LRRN1: variants seen among roughly 807,000 people sequenced by gnomAD.
The protein encoded by LRRN1 is leucine rich repeat neuronal 1, also known as leucine-rich repeat neuronal protein 1.
A neutral mutation model predicts 45.8 loss-of-function variants in LRRN1; 14 were observed. The observed-to-expected ratio is 0.31, with a 90% CI of 0.20 to 0.48. The LOEUF is 0.48. Ranked by LOEUF, LRRN1 falls within the 20% of genes least tolerant of loss-of-function variation. The pLI is 0.99. For synonymous variants in LRRN1, 359 were observed against 330.1 expected (o/e 1.09, Z -0.95); for missense variants, 789 against 874.2 (o/e 0.90, Z 1.23).
At chr3:3,841,730 G>A (rs1693657835) in intron 1 of LRRN1, among the ~76,000 whole-genome samples, 1 of 152,118 alleles carries the variant, frequency 6.6e-6, no homozygotes. Context: ...TGTTGGTCAT[G>A]TTGGTCTCGA....
At position 3,804,906 on chromosome 3, in the gene LRRN1, C is replaced by T. The variant is rs562835208; in HGVS notation, c.-279+4987C>T. On this transcript the variant is annotated intron_variant, in intron 1 of 1. Coordinates refer to ENST00000319331, the MANE Select transcript of LRRN1 (RefSeq NM_020873.7). ...CATAAATTAGTCTGCCATTGTATTC[C>T]GGAGCCACCATTTCAATCCAGGGAA... Among the ~76,000 whole-genome samples the T allele has an allele frequency of 9.2e-5, 14 of 152,224 alleles. No homozygotes were observed. The South Asian group carries it at 2.1e-3, about 23-fold the overall frequency.
At position 3,848,336 on chromosome 3, in the gene LRRN1, T is replaced by G. The variant is rs1057436677; in HGVS notation, c.*1544T>G. ...TAGAGCAGATGGAACTAGGTTTAGG[T>G]AGAAGGCCAGTTCCACAAAGGGCAG... On this transcript the variant is annotated 3_prime_UTR_variant, in exon 2 of 2. Coordinates refer to ENST00000319331, the MANE Select transcript of LRRN1 (RefSeq NM_020873.7). Among the ~76,000 whole-genome samples, 1 of 152,076 alleles carries G rather than the reference T, an allele frequency of 6.6e-6. No individual in the cohort carries two copies. Among genetic ancestry groups the G allele is most frequent in the African/African-American group, 2.4e-5 (1 of 41,380 alleles).
At chr3:3,841,781 G>A (rs1693658749) in intron 1 of LRRN1, among the ~76,000 whole-genome samples, 1 of 152,138 alleles carries the variant, frequency 6.6e-6, no homozygotes, top group East Asian at 1.9e-4. Context: ...GCCTCCCACA[G>A]TGCTGGGATT....
At position 3,840,417 on chromosome 3, in the gene LRRN1, A is replaced by G. The variant is rs532814558; in HGVS notation, c.-278-3947A>G. ...GGTCTGTAGTTTTCTTGTTGTGATA[A>G]TGGATTTACATTTAAACACTATTGG... On this transcript the variant is annotated intron_variant, in intron 1 of 1. Coordinates refer to ENST00000319331, the MANE Select transcript of LRRN1 (RefSeq NM_020873.7). Among the ~76,000 whole-genome samples, 7 of 152,272 alleles carry G rather than the reference A, an allele frequency of 4.6e-5. No homozygotes were observed. The East Asian group carries it at 1.3e-3, about 29-fold the overall frequency.
At chr3:3,825,527 A>G (rs890147455) in intron 1 of LRRN1, among the ~76,000 whole-genome samples, 3 of 152,260 alleles carry the variant, frequency 2.0e-5, no homozygotes, top group Non-Finnish European at 2.9e-5. Flanking sequence ...GAAAAGGAAA[A>G]GAAAATTAGG....
chr3:3,845,963 C>G lies in LRRN1; in HGVS notation c.1322C>G (p.Thr441Arg), dbSNP rs145715330. The G allele has an allele frequency of 1.9e-6, 3 of 1,613,950 alleles. No individual in the cohort carries two copies. The highest frequency in any genetic ancestry group is 1.3e-5 in the African/African-American group (1 of 74,906). Residue 441 changes from threonine (T) to arginine (R), a missense_variant, in exon 2 of 2, where the codon ACG becomes AGG. Physicochemically the swap from Thr to Arg is moderately conservative, Grantham distance 71 (BLOSUM62 -1). Coordinates refer to ENST00000319331, the MANE Select transcript of LRRN1 (RefSeq NM_020873.7). The surrounding 1 kb of genome is among the most constrained non-coding windows in gnomAD (Gnocchi z 6.5). The stretch of plus-strand genomic sequence containing the variant: ...AATCGTTTAAACGTGGATATCGGCA[C>G]GACGGTTTTCCTAGACTGTCGAGCC... Reference protein sequence around the residue: ...FPNRLNVDIGTTVFLDCRAMA... With the variant: ...FPNRLNVDIGRTVFLDCRAMA...
intron 1 of LRRN1, among the ~76,000 whole-genome samples, chr3:3,834,525 G>GACATATATATATATGATATATATAT (rs750534210): frequency 3.7e-5 from 1 of 27,310 alleles, no homozygotes; most frequent in Admixed American, 6.7e-4. Context: ...GACAGAACAG[G>GACATATATATATATGATATATATAT]ATATATATAT....
intron 1 of LRRN1, among the ~76,000 whole-genome samples, chr3:3,829,911 G>A (rs941653398): frequency 6.6e-6 from 1 of 152,148 alleles, no homozygotes; most frequent in African/African-American, 2.4e-5. Context: ...ATATAATCAG[G>A]TAGCTGGCTG....
intron 1 of LRRN1, among the ~76,000 whole-genome samples, chr3:3,817,330 G>GT (rs1693009702): frequency 6.6e-6 from 1 of 152,130 alleles, no homozygotes; most frequent in Non-Finnish European, 1.5e-5. Context: ...TTGAAATCAA[G>GT]TTTATTTTAA....
intron 1 of LRRN1, among the ~76,000 whole-genome samples, chr3:3,805,094 T>C (rs144288766): frequency 6.6e-6 from 1 of 152,152 alleles, no homozygotes; most frequent in South Asian, 2.1e-4. Flanking sequence ...TGTGAGATAA[T>C]GTATTAGCAT....
rs377314657 is a variant in LRRN1, at chr3:3,845,038, G to A, written c.397G>A (p.Glu133Lys). ...GCATTTGGAGGAAAATCAGATTACC[G>A]AGATGACTGATTACTGTCTACAAGA... ...TLHLEENQIT[E>K]MTDYCLQDLS... Residue 133 changes from glutamate (E) to lysine (K), a missense_variant, in exon 2 of 2, where the codon GAG (glutamate) becomes AAG (lysine). Transcript: ENST00000319331. The surrounding 1 kb of genome is among the most constrained non-coding windows in gnomAD (Gnocchi z 6.5). 11 of 1,613,984 alleles carry A rather than the reference G, an allele frequency of 6.8e-6. No individual in the cohort carries two copies. Among genetic ancestry groups the A allele is most frequent in the African/African-American group, 4.0e-5 (3 of 74,916 alleles).
intron 1 of LRRN1, among the ~76,000 whole-genome samples, chr3:3,808,172 G>C (rs1476285500): frequency 6.6e-6 from 1 of 151,866 alleles, no homozygotes; most frequent in African/African-American, 2.4e-5. Context: ...GTGATCGAGA[G>C]GAAAATATTA....
chr3:3,825,593 A>T (rs944361922), intron 1 of LRRN1, among the ~76,000 whole-genome samples: 1 of 152,186 alleles, frequency 6.6e-6, no homozygotes, highest in African/African-American at 2.4e-5. Context: ...GAAATTTAAC[A>T]TGGTCAGATT....
At chr3:3,827,217 G>A (rs1693242004) in intron 1 of LRRN1, 1 of 225,018 alleles carries the variant, frequency 4.4e-6, no homozygotes, top group African/African-American at 2.3e-5. Flanking sequence ...AGGAAACTGA[G>A]ACTTAGAAAG....
At position 3,848,635 on chromosome 3, in the gene LRRN1, A is replaced by AT. The variant is rs1328787665; in HGVS notation, c.*1844dup. The stretch of plus-strand genomic sequence containing the variant: ...AACAGAATTTCAGATCTTGAAACAA[A>AT]TGAGCTGCAACAGAAAAATAAGTAC... On this transcript the variant is annotated 3_prime_UTR_variant, in exon 2 of 2. Coordinates refer to ENST00000319331, the MANE Select transcript of LRRN1 (RefSeq NM_020873.7). Among the ~76,000 whole-genome samples the AT allele has an allele frequency of 6.6e-6, 1 of 152,196 alleles. No homozygotes were observed. Among genetic ancestry groups the AT allele is most frequent in the African/African-American group, 2.4e-5 (1 of 41,450 alleles).
chr3:3,846,072 G>A lies in LRRN1; in HGVS notation c.1431G>A (p.Lys477=), dbSNP rs1461410498. 3.1e-6 allele frequency: 5 copies of A among 1,614,122 alleles called. No homozygotes were observed. Among genetic ancestry groups the A allele is most frequent in the Non-Finnish European group, 4.2e-6 (5 of 1,180,024 alleles). ...TGGAAACCCTTTCAGATAAATACAA[G>A]CTAAGTAGCGAAGGTACCTTGGAAA... ...ITVETLSDKY[K]LSSEGTLEIS... The change falls in exon 2 of 2, where the codon AAG becomes AAA. Residue 477 remains lysine (K), a synonymous_variant. Coordinates refer to ENST00000319331, the MANE Select transcript of LRRN1 (RefSeq NM_020873.7). The surrounding 1 kb of genome is among the most constrained non-coding windows in gnomAD (Gnocchi z 5.7).
At chr3:3,841,635 C>T (rs1693655967) in intron 1 of LRRN1, among the ~76,000 whole-genome samples, 1 of 152,052 alleles carries the variant, frequency 6.6e-6, no homozygotes, top group Admixed American at 6.6e-5. Flanking sequence ...TCTCCTGCCT[C>T]AGGCCCCTGA....
chr3:3,802,836 T>C (rs2106448638), intron 1 of LRRN1, among the ~76,000 whole-genome samples: 1 of 152,356 alleles, frequency 6.6e-6, no homozygotes, highest in East Asian at 1.9e-4. Context: ...TAAAGTTATC[T>C]AGATATTTTT....
At chr3:3,801,285 A>G (rs1692647446) in intron 1 of LRRN1, 1 of 152,244 alleles carries the variant, frequency 6.6e-6, no homozygotes, top group Non-Finnish European at 1.5e-5. Context: ...CGTAAAGGAA[A>G]AGTGGAATTC....
Sources: allele counts gnomAD v4.1 joint callset (sites outside exome capture counted in the v4.1 genomes callset), GRCh38; gene constraint gnomAD v4.1.1; non-coding constraint Gnocchi (gnomAD v3.1); transcripts MANE v1.5; gene names NCBI Gene and HGNC (gene_info 2026-07-23, HGNC 2026-07-21).